SRBD1: variants seen among roughly 807,000 people sequenced by gnomAD.
SRBD1 encodes the protein S1 RNA-binding domain-containing protein 1.
Under a neutral mutation model 115.3 loss-of-function variants are expected in SRBD1, and 88 were observed. That is an observed-to-expected ratio of 0.76 (90% CI 0.64 to 0.91). The LOEUF (loss-of-function observed/expected upper bound fraction) is 0.91. Ranked by LOEUF, SRBD1 falls within the 40% of genes least tolerant of loss-of-function variation. The probability of loss-of-function intolerance (pLI) is 0.00; values close to 1 mark genes in which losing one functional copy is unlikely to be tolerated. For missense variants in SRBD1, 1,385 were observed against 1,177.4 expected, an observed-to-expected ratio of 1.18 and a Z score of -2.58; for synonymous variants, 509 against 407.7, an observed-to-expected ratio of 1.25 and a Z score of -2.99.
At chr2:45,604,398 A>AGGGGG (rs1179478169) in intron 2 of SRBD1, among the ~76,000 whole-genome samples, 1 of 140,206 alleles carries the variant, frequency 7.1e-6, no homozygotes, top group African/African-American at 2.8e-5. Flanking sequence ...GGGTGGAGGA[A>AGGGGG]GGGGAGGGCT....
At chr2:45,488,523 A>G (rs1022719990) in intron 14 of SRBD1, among the ~76,000 whole-genome samples, 192 bp from the exon 15 acceptor site, 1 of 152,288 alleles carries the variant, frequency 6.6e-6, no homozygotes, top group Admixed American at 6.5e-5. Flanking sequence ...TGTTTTTTTC[A>G]CATATGAAAT....
chr2:45,419,750 T>C, intron 17 of SRBD1, 38 bp downstream of exon 17: 1 of 1,594,074 alleles, frequency 6.3e-7, no homozygotes, highest in Non-Finnish European at 8.6e-7. Flanking sequence ...CCAGTTAAAC[T>C]CAAGATTCTG....
At chr2:45,580,492 C>T (rs1173174925) in intron 6 of SRBD1, among the ~76,000 whole-genome samples, 1 of 149,126 alleles carries the variant, frequency 6.7e-6, no homozygotes, top group Non-Finnish European at 1.5e-5. Context: ...ACTACAGGAG[C>T]GCACCACTAC....
At chr2:45,512,162 G>A (rs1419788111) in intron 14 of SRBD1, among the ~76,000 whole-genome samples, 1 of 152,128 alleles carries the variant, frequency 6.6e-6, no homozygotes, top group Non-Finnish European at 1.5e-5. Context: ...GATTTTCTTG[G>A]TTAAAACACT....
At chr2:45,513,103 A>G (rs566596775) in intron 14 of SRBD1, among the ~76,000 whole-genome samples, 1 of 152,262 alleles carries the variant, frequency 6.6e-6, no homozygotes, top group Non-Finnish European at 1.5e-5. Context: ...CATGGCCTCA[A>G]ACTCTACTTT....
chr2:45,605,729 C>G (rs1467193920), intron 1 of SRBD1, among the ~76,000 whole-genome samples: 2 of 152,078 alleles, frequency 1.3e-5, no homozygotes, highest in South Asian at 4.1e-4. Flanking sequence ...CATGGTGAAA[C>G]TCAGTCTCTA....
At chr2:45,599,921 A>G (rs1674039797) in intron 3 of SRBD1, 86 bp from the exon 4 acceptor site, 19 of 1,379,354 alleles carry the variant, frequency 1.4e-5, no homozygotes, top group Non-Finnish European at 1.8e-5. Flanking sequence ...AAGTGAACAA[A>G]TTATTGATAC....
At chr2:45,564,523 C>G (rs1308317491) in intron 9 of SRBD1, among the ~76,000 whole-genome samples, 1 of 152,148 alleles carries the variant, frequency 6.6e-6, no homozygotes, top group African/African-American at 2.4e-5. Flanking sequence ...CACTACAAAA[C>G]TATTAGAACT....
chr2:45,464,667 A>G (rs918857833), intron 16 of SRBD1, among the ~76,000 whole-genome samples: 2 of 152,160 alleles, frequency 1.3e-5, no homozygotes, highest in African/African-American at 4.8e-5. Flanking sequence ...CCAGCCATTC[A>G]CTATCAACTA....
At chr2:45,476,781 T>C (rs1669816515) in intron 16 of SRBD1, among the ~76,000 whole-genome samples, 3 of 152,224 alleles carry the variant, frequency 2.0e-5, no homozygotes, top group Non-Finnish European at 4.4e-5. Context: ...CCACAGTCAA[T>C]TCTAAGTCTT....
At position 45,389,177 on chromosome 2, in the gene SRBD1, G is replaced by C. The variant is rs1292067108; in HGVS notation, c.*133C>G. 1.8e-6 allele frequency: 2 copies of C among 1,092,910 alleles called. No homozygotes were observed. The highest frequency in any genetic ancestry group is 2.6e-6 in the Non-Finnish European group (2 of 777,692). 67.7% of individuals were successfully genotyped at this position (1,092,910 alleles called of 1,614,324 possible). Reference sequence around the variant, plus strand: ...TATTCAGAAGAAAAAATAAAGGAAAGTGTTTGGAAAATATTTCTGATATTA... The same window carrying C: ...TATTCAGAAGAAAAAATAAAGGAAACTGTTTGGAAAATATTTCTGATATTA... On this transcript the variant is annotated 3_prime_UTR_variant, in exon 21 of 21. Transcript: ENST00000263736.
chr2:45,540,872 C>T (rs1398863435), intron 14 of SRBD1, among the ~76,000 whole-genome samples: 7 of 152,252 alleles, frequency 4.6e-5, no homozygotes, highest in Admixed American at 2.6e-4. Flanking sequence ...ATACCAAGCA[C>T]TGACCATAAC....
rs1289383463 is a variant in SRBD1, at chr2:45,413,391, T to C, written c.2334-98A>G. ...TGCTTACTTCTCTGTCATACAAATATGCGAAAACAGCAACCAGATTTTGAC... is the reference window on the plus strand; with the variant it reads ...TGCTTACTTCTCTGTCATACAAATACGCGAAAACAGCAACCAGATTTTGAC... On this transcript the variant is annotated intron_variant, in intron 18 of 20. Transcript: ENST00000263736. The C allele has an allele frequency of 4.4e-6, 6 of 1,377,834 alleles. No individual in the cohort carries two copies. The Admixed American group carries it at 1.2e-4, about 27-fold the overall frequency. The allele number at this position is 1,377,834 out of a possible 1,614,324, so 85.4% of individuals were successfully genotyped here.
intron 14 of SRBD1, among the ~76,000 whole-genome samples, chr2:45,519,006 A>G (rs1671203588): frequency 6.6e-6 from 1 of 151,868 alleles, no homozygotes. Flanking sequence ...CTCTAGCAGA[A>G]TTTCTAGCAA....
In SRBD1 at chr2:45,459,474, G is replaced by A. The variant is rs1052635067; in HGVS notation, c.2049+17519C>T. On this transcript the variant is annotated intron_variant, in intron 16 of 20. Coordinates refer to ENST00000263736, the MANE Select transcript of SRBD1 (RefSeq NM_018079.5). ...ATGAACATGCTTATACCTGACAGGT[G>A]TGAACTAAATGACCTTGAGGGTCCC... Among the ~76,000 whole-genome samples the A allele has an allele frequency of 4.6e-5, 7 of 152,158 alleles. No homozygotes were observed. The East Asian group carries it at 1.3e-3, about 29-fold the overall frequency.
intron 14 of SRBD1, among the ~76,000 whole-genome samples, chr2:45,506,534 G>A (rs1485746818): frequency 1.3e-5 from 2 of 152,070 alleles, no homozygotes; most frequent in Non-Finnish European, 2.9e-5. Flanking sequence ...ATTCCCCACT[G>A]ACATTTATTT....
chr2:45,555,233 A>T (rs1304827764), intron 10 of SRBD1, among the ~76,000 whole-genome samples: 1 of 152,048 alleles, frequency 6.6e-6, no homozygotes, highest in Non-Finnish European at 1.5e-5. Context: ...AAAAAATAAA[A>T]ATTTAGCTGG....
Position 45,599,833 on chromosome 2 carries a change from A to C in SRBD1, c.264T>G (p.Asn88Lys). 6.2e-7 allele frequency: 1 copy of C among 1,604,454 alleles called. No homozygotes were observed. The highest frequency in any genetic ancestry group is 1.3e-5 in the African/African-American group (1 of 74,406). Reference sequence around the variant, plus strand: ...CAGTATCAGCAATAGCCACAGAGCTATTCTATCAAACCACAAAGAGAACAT... The same window carrying C: ...CAGTATCAGCAATAGCCACAGAGCTCTTCTATCAAACCACAAAGAGAACAT... The part of the protein sequence containing the change: ...SEVVVVKEEL[N>K]SSVAIADTAL... The change falls in exon 4 of 21, where the codon AAT (asparagine) becomes AAG (lysine). Residue 88 changes from asparagine to lysine, a missense_variant and splice_region_variant. Coordinates refer to ENST00000263736, the MANE Select transcript of SRBD1 (RefSeq NM_018079.5).
At chr2:45,561,989 T>A (rs867963844) in intron 10 of SRBD1, among the ~76,000 whole-genome samples, 56 of 152,340 alleles carry the variant, frequency 3.7e-4, no homozygotes, top group African/African-American at 1.3e-3. Context: ...ACATAGAGCA[T>A]ATTTTTGTTA....
Sources: gnomAD v4.1 joint callset for allele counts (sites outside exome capture counted in the v4.1 genomes callset) on GRCh38, gnomAD v4.1.1 for gene constraint, MANE v1.5 for transcripts, NCBI Gene and HGNC (gene_info 2026-07-23, HGNC 2026-07-21) for gene names.